Variants in LARGE1 observed in about 807,000 individuals in gnomAD.
The protein encoded by LARGE1 is xylosyl- and glucuronyltransferase LARGE1.
In LARGE1, 43 loss-of-function variants were observed where a neutral mutation model predicts 87.6. That is an observed-to-expected ratio of 0.49 (90% confidence interval 0.38 to 0.63). The LOEUF is 0.63. Among genes scored for constraint, LARGE1 ranks in the 30% least tolerant of loss-of-function variants. The pLI is 0.00. For synonymous variants in LARGE1, 434 were observed against 394.6 expected, an observed-to-expected ratio of 1.10 and a Z score of -1.18; for missense variants, 802 against 1,000.2, an observed-to-expected ratio of 0.80 and a Z score of 2.67.
intron 6 of LARGE1, among the ~76,000 whole-genome samples, chr22:33,497,689 A>G (rs2070208568): frequency 6.6e-6 from 1 of 152,168 alleles, no homozygotes; most frequent in Non-Finnish European, 1.5e-5. Context: ...AGGCATCAAT[A>G]TATTATTAAT....
chr22:33,817,340 T>C (rs945713864), intron 1 of LARGE1, among the ~76,000 whole-genome samples: 3 of 152,184 alleles, frequency 2.0e-5, no homozygotes, highest in African/African-American at 7.2e-5. Context: ...TTCTAAGCCC[T>C]TTGCATATAT....
downstream of LARGE1, among the ~76,000 whole-genome samples, chr22:33,269,754 C>A (rs1928144343): frequency 6.6e-6 from 1 of 152,040 alleles, no homozygotes; most frequent in Non-Finnish European, 1.5e-5. Flanking sequence ...GCCTGTAATC[C>A]CAGCACTTTG....
At chr22:33,892,814 T>C (rs1466178747) in intron 1 of LARGE1, among the ~76,000 whole-genome samples, 2 of 152,252 alleles carry the variant, frequency 1.3e-5, no homozygotes, top group African/African-American at 2.4e-5. Flanking sequence ...ATGTGTATGT[T>C]CACAGTGTTA....
intron 6 of LARGE1, among the ~76,000 whole-genome samples, chr22:33,543,169 T>C (rs953740578): frequency 2.6e-5 from 4 of 151,678 alleles, no homozygotes; most frequent in African/African-American, 7.3e-5. Flanking sequence ...ACACACCTAA[T>C]TGGCTTGAAT....
At chr22:33,568,299 AG>A (rs1369375722) in intron 5 of LARGE1, among the ~76,000 whole-genome samples, 3 of 152,220 alleles carry the variant, frequency 2.0e-5, no homozygotes, top group Non-Finnish European at 4.4e-5. Context: ...GCAGCCCTCC[AG>A]TCAACCCTAA....
intron 7 of LARGE1, among the ~76,000 whole-genome samples, chr22:33,415,188 A>G (rs2066441771): frequency 6.6e-6 from 1 of 152,212 alleles, no homozygotes; most frequent in South Asian, 2.1e-4. Context: ...AGACAACTGC[A>G]GGGGAGGCCC....
intron 6 of LARGE1, among the ~76,000 whole-genome samples, chr22:33,448,872 G>A (rs911344572): frequency 1.3e-5 from 2 of 152,200 alleles, no homozygotes; most frequent in Non-Finnish European, 2.9e-5. Flanking sequence ...CCAAGGACCT[G>A]AAGTCTTCTT....
chr22:33,707,053 G>T (rs1294650089), intron 2 of LARGE1, among the ~76,000 whole-genome samples: 1 of 152,222 alleles, frequency 6.6e-6, no homozygotes, highest in Non-Finnish European at 1.5e-5. Context: ...GCCTGAAAAA[G>T]CAACCATCAC....
chr22:33,236,186 C>T (rs1172644756), intron 11 of LARGE1, among the ~76,000 whole-genome samples: 1 of 152,216 alleles, frequency 6.6e-6, no homozygotes, highest in Non-Finnish European at 1.5e-5. Context: ...ACCTCCAGAA[C>T]TGTGAGAGCA....
chr22:33,904,467 T>C (rs1183149583), intron 1 of LARGE1, among the ~76,000 whole-genome samples: 3 of 152,154 alleles, frequency 2.0e-5, no homozygotes, highest in Admixed American at 6.5e-5. Context: ...ACCAGGACTT[T>C]TGCCAGATGT....
At chr22:33,307,484 A>G (rs116331119) in intron 11 of LARGE1, among the ~76,000 whole-genome samples, 5,227 of 151,410 alleles carry the variant, frequency 0.035, 272 homozygotes, top group African/African-American at 0.12. Context: ...ATGCCTCCCC[A>G]CTCTTTCCCC....
At chr22:33,666,681 C>T (rs959625242) in intron 2 of LARGE1, among the ~76,000 whole-genome samples, 1 of 152,124 alleles carries the variant, frequency 6.6e-6, no homozygotes, top group African/African-American at 2.4e-5. Context: ...TTTCTGCAAC[C>T]GCCAGTGGAT....
intron 4 of LARGE1, among the ~76,000 whole-genome samples, chr22:33,606,437 T>TAAAATAAAAG (rs1275429105): frequency 6.6e-6 from 1 of 150,896 alleles, no homozygotes; most frequent in Non-Finnish European, 1.5e-5. Context: ...TGAAATAAAA[T>TAAAATAAAAG]AAAATAAAAT....
chr22:33,537,927 T>C (rs1006964307), intron 6 of LARGE1, among the ~76,000 whole-genome samples: 6 of 152,146 alleles, frequency 3.9e-5, no homozygotes, highest in African/African-American at 1.4e-4. Flanking sequence ...AGGATGTCTT[T>C]GGGGGCCATT....
At chr22:33,579,852 G>A (rs868448227) in intron 5 of LARGE1, among the ~76,000 whole-genome samples, 3 of 152,298 alleles carry the variant, frequency 2.0e-5, no homozygotes, top group Admixed American at 6.5e-5. Context: ...AATTCTAACT[G>A]CGGAAGATCA....
In LARGE1 at chr22:33,566,687, T is replaced by G. The variant is rs558641490; in HGVS notation, c.616-1668A>C. Among the ~76,000 whole-genome samples, 66 of 152,268 alleles carry G rather than the reference T, an allele frequency of 4.3e-4. 1 individual carries two copies. The highest frequency in any genetic ancestry group is 1.5e-3 in the African/African-American group (61 of 41,554). ...GGTGGCCAGCTTTTATTCCCTTATT[T>G]CTCCCTGCCCACATCCTGCTGATTG... On this transcript the variant is annotated intron_variant, in intron 5 of 14. Transcript: ENST00000397394.
the LARGE1 span, among the ~76,000 whole-genome samples, chr22:33,146,196 C>G: frequency 1.3e-5 from 2 of 152,136 alleles, no homozygotes; most frequent in Non-Finnish European, 1.5e-5. Context: ...CCTTAAAGCA[C>G]AATTGCATGG....
At chr22:33,862,663 T>TG (rs1222894150) in intron 1 of LARGE1, among the ~76,000 whole-genome samples, 1 of 152,148 alleles carries the variant, frequency 6.6e-6, no homozygotes, top group Admixed American at 6.5e-5. Flanking sequence ...TAGATAGGCC[T>TG]GGGTTCAAAT....
At chr22:33,863,103 C>T (rs1403285882) in intron 1 of LARGE1, among the ~76,000 whole-genome samples, 1 of 152,188 alleles carries the variant, frequency 6.6e-6, no homozygotes, top group Admixed American at 6.5e-5. Flanking sequence ...CCACTTCTCA[C>T]ACAGCACCGT....
Sources: gnomAD v4.1 joint callset for allele counts (sites outside exome capture counted in the v4.1 genomes callset) on GRCh38, gnomAD v4.1.1 for gene constraint, MANE v1.5 for transcripts, NCBI Gene and HGNC (gene_info 2026-07-23, HGNC 2026-07-21) for gene names.